The following ESRRG variants were observed in gnomAD, a reference collection of about 807,000 sequenced individuals.
ESRRG encodes estrogen-related receptor gamma.
ESRRG carries 13 observed loss-of-function variants against 44.0 expected under a neutral mutation model. The observed-to-expected ratio is 0.30, with a 90% CI of 0.19 to 0.47. ESRRG has a LOEUF of 0.47. Among genes scored for constraint, ESRRG ranks in the 20% least tolerant of loss-of-function variants. The pLI is 1.00. For missense variants in ESRRG, 395 were observed against 580.6 expected (o/e 0.68, Z 3.29); for synonymous variants, 215 against 214.6 (o/e 1.00, Z -0.02).
rs558052344 is a variant in ESRRG, at chr1:216,962,258, C to T, written c.-105-22585G>A. Among the ~76,000 whole-genome samples, 191 of 152,230 alleles carry T rather than the reference C, an allele frequency of 1.3e-3. 1 individual carries two copies. The highest frequency in any genetic ancestry group is 2.2e-3 in the Non-Finnish European group (148 of 68,016). On this transcript the variant is annotated intron_variant, in intron 1 of 7. Coordinates refer to the ESRRG transcript ENST00000359162. ...CAAGCTGGTAACCTCAGTGTGAGACCCTGGCATTGCCTAAGTACTACTGAA... is the reference window on the plus strand; with the variant it reads ...CAAGCTGGTAACCTCAGTGTGAGACTCTGGCATTGCCTAAGTACTACTGAA...
At chr1:216,795,471 A>C (rs1322045487) in intron 2 of ESRRG, among the ~76,000 whole-genome samples, 3 of 150,286 alleles carry the variant, frequency 2.0e-5, no homozygotes, top group Admixed American at 2.0e-4. Flanking sequence ...CTCCCGAGTA[A>C]CTGGGATTAC....
rs112639466 is a variant in ESRRG, at chr1:216,750,620, AT to A, written c.-13-73130del. 5.2e-3 allele frequency among the ~76,000 whole-genome samples: 788 copies of A among 152,240 alleles called. 5 individuals are homozygous for A. Among genetic ancestry groups the A allele is most frequent in the African/African-American group, 0.018 (740 of 41,562 alleles). ...AAAACTCTATAGGCTAGGACCCTTT[AT>A]AAATATATGTCCTGACAACCTACTG... On this transcript the variant is annotated intron_variant, in intron 2 of 7. Transcript: ENST00000359162.
At chr1:216,758,985 A>G (rs2092618986) in intron 2 of ESRRG, among the ~76,000 whole-genome samples, 2 of 152,082 alleles carry the variant, frequency 1.3e-5, no homozygotes. Flanking sequence ...TGAGAGAAGT[A>G]AAGAAACTTG....
intron 1 of ESRRG, among the ~76,000 whole-genome samples, chr1:216,960,697 T>G (rs1184369980): frequency 2.0e-5 from 3 of 152,122 alleles, no homozygotes; most frequent in African/African-American, 4.8e-5. Flanking sequence ...GTTATCCTCC[T>G]GCCTTAATCT....
intron 2 of ESRRG, among the ~76,000 whole-genome samples, chr1:216,872,611 T>C (rs867358446): frequency 1.5e-4 from 23 of 152,176 alleles, no homozygotes; most frequent in Middle Eastern, 3.2e-3. Context: ...AAGATTTTTA[T>C]TGTGGGTTAT....
chr1:216,607,911 C>A (rs941920198), intron 3 of ESRRG, among the ~76,000 whole-genome samples: 2 of 152,192 alleles, frequency 1.3e-5, no homozygotes, highest in Non-Finnish European at 1.5e-5. Flanking sequence ...AATTAAACGT[C>A]CCAAAGCATT....
intron 5 of ESRRG, among the ~76,000 whole-genome samples, chr1:216,537,305 T>C (rs2088502): frequency 0.33 from 49,728 of 151,784 alleles, 8,346 homozygotes; most frequent in African/African-American, 0.35. Context: ...CACCAGACAC[T>C]GAATGTGCCA....
chr1:216,821,019 G>A (rs1276899797), intron 2 of ESRRG, among the ~76,000 whole-genome samples: 3 of 152,086 alleles, frequency 2.0e-5, no homozygotes, highest in Non-Finnish European at 4.4e-5. Context: ...ACATTACGAA[G>A]TTTTCAGAGC....
intron 5 of ESRRG, among the ~76,000 whole-genome samples, chr1:216,548,440 ATG>A (rs1381700447): frequency 6.6e-6 from 1 of 152,114 alleles, no homozygotes; most frequent in African/African-American, 2.4e-5. Flanking sequence ...TCGATGAATG[ATG>A]TCCTTCAGTT....
intron 2 of ESRRG, among the ~76,000 whole-genome samples, chr1:216,826,755 A>G (rs948945344): frequency 6.6e-6 from 1 of 152,160 alleles, no homozygotes; most frequent in Non-Finnish European, 1.5e-5. Context: ...TTCAGATTTG[A>G]TCCCAGAGTC....
chr1:216,881,604 G>T (rs1232660051), intron 2 of ESRRG, among the ~76,000 whole-genome samples: 10 of 151,934 alleles, frequency 6.6e-5, no homozygotes, highest in Non-Finnish European at 8.8e-5. Context: ...CACCATCCTT[G>T]CCTACCCTTC....
intron 1 of ESRRG, among the ~76,000 whole-genome samples, chr1:216,689,262 G>C (rs546251592): frequency 2.6e-5 from 4 of 152,232 alleles, no homozygotes; most frequent in African/African-American, 9.6e-5. Context: ...TGCAAAAAAG[G>C]TACCATGTGA....
chr1:216,525,426 G>C (rs1198952073), intron 5 of ESRRG, among the ~76,000 whole-genome samples: 2 of 152,000 alleles, frequency 1.3e-5, no homozygotes, highest in African/African-American at 4.8e-5. Flanking sequence ...CCTCTTACTT[G>C]ACCTCAAGTT....
At chr1:216,746,284 G>T (rs562589758) in intron 2 of ESRRG, among the ~76,000 whole-genome samples, 1 of 152,246 alleles carries the variant, frequency 6.6e-6, no homozygotes, top group Non-Finnish European at 1.5e-5. Flanking sequence ...AACTCTTTCT[G>T]CTACAACACA....
At chr1:216,889,318 G>T (rs2057457751) in intron 2 of ESRRG, among the ~76,000 whole-genome samples, 1 of 152,166 alleles carries the variant, frequency 6.6e-6, no homozygotes, top group Non-Finnish European at 1.5e-5. Flanking sequence ...CTAGGAAATG[G>T]TCAACGTAGA....
At chr1:216,876,541 C>T (rs2096356478) in intron 2 of ESRRG, among the ~76,000 whole-genome samples, 1 of 150,640 alleles carries the variant, frequency 6.6e-6, no homozygotes, top group Admixed American at 6.6e-5. Context: ...GTGGAAACAA[C>T]ACAAAGGAAA....
intron 1 of ESRRG, among the ~76,000 whole-genome samples, chr1:217,134,284 C>T (rs1204512788): frequency 6.6e-6 from 1 of 152,140 alleles, no homozygotes; most frequent in Non-Finnish European, 1.5e-5. Context: ...ATCTTCTCTC[C>T]CTGCTAATCT....
chr1:216,690,030 A>G (rs1270643528), intron 1 of ESRRG, among the ~76,000 whole-genome samples: 1 of 152,102 alleles, frequency 6.6e-6, no homozygotes, highest in African/African-American at 2.4e-5. Context: ...AGGGTATAAA[A>G]TTGGAAAAAA....
chr1:216,802,776 A>G (rs769625157), intron 2 of ESRRG, among the ~76,000 whole-genome samples: 3 of 152,140 alleles, frequency 2.0e-5, no homozygotes, highest in Non-Finnish European at 4.4e-5. Context: ...TGTGCTAAGC[A>G]CCAGGCTGGG....
Sources: gnomAD v4.1 joint callset for allele counts (sites outside exome capture counted in the v4.1 genomes callset) on GRCh38, gnomAD v4.1.1 for gene constraint, MANE v1.5 for transcripts, NCBI Gene and HGNC (gene_info 2026-07-23, HGNC 2026-07-21) for gene names.